MDGA2: variants seen among roughly 807,000 people sequenced by gnomAD.
MDGA2 encodes MAM domain-containing glycosylphosphatidylinositol anchor protein 2.
MDGA2 carries 40 observed loss-of-function variants against 117.8 expected under a neutral mutation model. The ratio of observed to expected loss-of-function variants is 0.34; its 90% CI spans 0.26 to 0.44. The LOEUF is 0.44. MDGA2 is among the 20% of genes least tolerant of loss of function. The pLI is 1.00. For synonymous variants in MDGA2, 452 were observed against 439.0 expected, an observed-to-expected ratio of 1.03 and a Z score of -0.37; for missense variants, 1,123 against 1,250.6, an observed-to-expected ratio of 0.90 and a Z score of 1.54.
At chr14:47,639,395 T>A (rs996591482) in intron 1 of MDGA2, among the ~76,000 whole-genome samples, 1 of 152,148 alleles carries the variant, frequency 6.6e-6, no homozygotes, top group African/African-American at 2.4e-5. Flanking sequence ...ATCCTTTGGC[T>A]TTCCTCCACT....
intron 3 of MDGA2, among the ~76,000 whole-genome samples, chr14:47,165,134 G>A (rs561412444): frequency 1.3e-5 from 2 of 152,202 alleles, no homozygotes; most frequent in African/African-American, 4.8e-5. Flanking sequence ...ATAGCATTAG[G>A]AGATATACCT....
At chr14:47,206,265 T>C (rs1011548693) in intron 3 of MDGA2, among the ~76,000 whole-genome samples, 3 of 152,112 alleles carry the variant, frequency 2.0e-5, no homozygotes, top group South Asian at 2.1e-4. Flanking sequence ...TAAGTTATCA[T>C]TGAGAATGAG....
intron 1 of MDGA2, among the ~76,000 whole-genome samples, chr14:47,493,232 C>T (rs1446037832): frequency 6.7e-6 from 1 of 150,316 alleles, no homozygotes; most frequent in East Asian, 1.9e-4. Flanking sequence ...TAGACATGTA[C>T]AATATTATTA....
intron 1 of MDGA2, among the ~76,000 whole-genome samples, chr14:47,598,517 A>G (rs1896588464): frequency 6.6e-6 from 1 of 152,240 alleles, no homozygotes; most frequent in South Asian, 2.1e-4. Context: ...ATTTTGATAC[A>G]TGTGACAACA....
chr14:47,525,930 C>T lies in MDGA2; in HGVS notation c.280+148587G>A, dbSNP rs947154791. ...ACTCTAAATTATATATATGTAGGCACATGTCACCAGTTTTTAAATATTCTT... is the reference window on the plus strand; with the variant it reads ...ACTCTAAATTATATATATGTAGGCATATGTCACCAGTTTTTAAATATTCTT... On this transcript the variant is annotated intron_variant, in intron 1 of 16. Coordinates refer to ENST00000399232, the MANE Select transcript of MDGA2 (RefSeq NM_001113498.3). Among the ~76,000 whole-genome samples, 30 of 152,018 alleles carry T rather than the reference C, an allele frequency of 2.0e-4. 1 individual carries two copies. Among genetic ancestry groups the T allele is most frequent in the Admixed American group, 1.6e-3 (25 of 15,256 alleles).
At chr14:47,007,431 T>C (rs1014852012) in intron 8 of MDGA2, among the ~76,000 whole-genome samples, 11 of 151,750 alleles carry the variant, frequency 7.2e-5, no homozygotes, top group Non-Finnish European at 1.5e-4. Context: ...TAAGTGAAGG[T>C]AACAAGAACG....
intron 1 of MDGA2, among the ~76,000 whole-genome samples, chr14:47,523,952 T>C (rs1894921748): frequency 6.6e-6 from 1 of 152,130 alleles, no homozygotes. Context: ...CTTCAGGCAG[T>C]GGAACTGACA....
At chr14:47,603,940 G>A (rs1215110664) in intron 1 of MDGA2, among the ~76,000 whole-genome samples, 1 of 152,138 alleles carries the variant, frequency 6.6e-6, no homozygotes, top group Non-Finnish European at 1.5e-5. Flanking sequence ...GCCATGTGAA[G>A]TGCCTGCTCC....
intron 11 of MDGA2, among the ~76,000 whole-genome samples, chr14:46,880,556 A>G (rs1882404642): frequency 6.6e-6 from 1 of 151,818 alleles, no homozygotes; most frequent in South Asian, 2.1e-4. Context: ...GTAATCTAGC[A>G]CTTTGGGAGG....
chr14:46,920,617 C>T (rs1884090137), intron 9 of MDGA2, among the ~76,000 whole-genome samples: 1 of 152,020 alleles, frequency 6.6e-6, no homozygotes, highest in Non-Finnish European at 1.5e-5. Flanking sequence ...CGGATATTAC[C>T]AAGGAAGTGT....
intron 2 of MDGA2, among the ~76,000 whole-genome samples, chr14:47,230,032 T>C (rs890972583): frequency 6.6e-6 from 1 of 152,042 alleles, no homozygotes; most frequent in Admixed American, 6.6e-5. Flanking sequence ...TAAAAGTTTC[T>C]TATGGGAATT....
At chr14:47,365,498 C>G (rs568911804) in intron 1 of MDGA2, among the ~76,000 whole-genome samples, 2 of 152,348 alleles carry the variant, frequency 1.3e-5, no homozygotes, top group African/African-American at 4.8e-5. Context: ...TACTCAGTGG[C>G]CACGAGCAGT....
chr14:46,875,243 G>C (rs1882178613), intron 12 of MDGA2, among the ~76,000 whole-genome samples: 1 of 151,674 alleles, frequency 6.6e-6, no homozygotes, highest in Admixed American at 6.6e-5. Flanking sequence ...CTACCCATAA[G>C]GGGTTAGATT....
chr14:47,146,474 C>A (rs745729105), intron 3 of MDGA2, among the ~76,000 whole-genome samples: 1 of 152,020 alleles, frequency 6.6e-6, no homozygotes, highest in Admixed American at 6.6e-5. Flanking sequence ...TTAGGGATAC[C>A]AGCATCATTA....
chr14:47,653,352 T>A (rs570051511), intron 1 of MDGA2, among the ~76,000 whole-genome samples: 8 of 152,116 alleles, frequency 5.3e-5, no homozygotes, highest in African/African-American at 9.7e-5. Context: ...TGTAATTCTG[T>A]CTTCTCTAGG....
intron 8 of MDGA2, among the ~76,000 whole-genome samples, chr14:46,980,459 C>G (rs979128592): frequency 6.6e-6 from 1 of 152,052 alleles, no homozygotes; most frequent in African/African-American, 2.4e-5. Flanking sequence ...TTGAAATTAC[C>G]ACGAAGGATT....
chr14:47,654,164 A>G (rs1387100317), intron 1 of MDGA2, among the ~76,000 whole-genome samples: 1 of 152,220 alleles, frequency 6.6e-6, no homozygotes, highest in African/African-American at 2.4e-5. Context: ...GAACTTAATT[A>G]TAAGAGCAAA....
At chr14:46,981,296 C>G (rs980114390) in intron 8 of MDGA2, among the ~76,000 whole-genome samples, 1 of 151,864 alleles carries the variant, frequency 6.6e-6, no homozygotes, top group Non-Finnish European at 1.5e-5. Context: ...CCCAGCTACT[C>G]AGGAGGCTGA....
intron 7 of MDGA2, among the ~76,000 whole-genome samples, chr14:47,053,601 G>GTATATATA (rs373802720): frequency 2.8e-5 from 3 of 107,594 alleles, no homozygotes; most frequent in Non-Finnish European, 3.7e-5. Flanking sequence ...GTGTGTATGT[G>GTATATATA]TATATATATA....
Sources: allele counts gnomAD v4.1 joint callset (sites outside exome capture counted in the v4.1 genomes callset), GRCh38; gene constraint gnomAD v4.1.1; transcripts MANE v1.5; gene names NCBI Gene and HGNC (gene_info 2026-07-23, HGNC 2026-07-21).